The following GRID1 variants were observed in gnomAD, a reference collection of about 807,000 sequenced individuals.
The protein encoded by GRID1 is glutamate receptor ionotropic, delta-1.
GRID1 carries 28 observed loss-of-function variants against 98.0 expected under a neutral mutation model. That is an observed-to-expected ratio of 0.29 (90% confidence interval 0.21 to 0.39). GRID1 has a LOEUF of 0.39. GRID1 is among the 10% of genes least tolerant of loss of function. The pLI is 1.00. For missense variants in GRID1, 1,111 were observed against 1,340.5 expected (o/e 0.83, Z 2.67); for synonymous variants, 553 against 538.5 (o/e 1.03, Z -0.37).
intron 8 of GRID1, among the ~76,000 whole-genome samples, chr10:85,784,432 CA>C (rs1842407369): frequency 6.6e-6 from 1 of 152,180 alleles, no homozygotes; most frequent in Non-Finnish European, 1.5e-5. Flanking sequence ...TCCTAGGGGA[CA>C]GAACTAGAGT....
intron 12 of GRID1, among the ~76,000 whole-genome samples, chr10:85,666,548 G>T (rs373005210): frequency 7.9e-5 from 12 of 152,222 alleles, no homozygotes; most frequent in African/African-American, 2.9e-4. Flanking sequence ...AGGTTGGCTT[G>T]TAAGGCATGA....
At chr10:85,946,767 G>A (rs1842058398) in intron 4 of GRID1, among the ~76,000 whole-genome samples, 2 of 152,136 alleles carry the variant, frequency 1.3e-5, no homozygotes, top group Admixed American at 1.3e-4. Flanking sequence ...CAAGCCCAGT[G>A]TTCTCAAGCA....
chr10:85,708,115 A>AT (rs1564566384), intron 12 of GRID1, among the ~76,000 whole-genome samples: 1 of 77,424 alleles, frequency 1.3e-5, no homozygotes, highest in Non-Finnish European at 2.3e-5. Context: ...AAGTATAATA[A>AT]AAAAAAAAAA....
intron 2 of GRID1, among the ~76,000 whole-genome samples, chr10:86,319,419 C>G (rs957852150): frequency 2.0e-5 from 3 of 152,220 alleles, no homozygotes; most frequent in African/African-American, 7.2e-5. Flanking sequence ...TTAAGCAGCT[C>G]ATCCCAGCTC....
rs185054179 is a variant in GRID1 at position 86,171,505 on chromosome 10, C to G, written c.521-32481G>C. Among the ~76,000 whole-genome samples the G allele has an allele frequency of 1.3e-4, 20 of 152,286 alleles. No individual in the cohort carries two copies. The East Asian group carries it at 3.7e-3, about 28-fold the overall frequency. Reference sequence around the variant, plus strand: ...TACTAACTGGCTTTATCTCTATTAACCGAGGTGGGGACCCAGAGGGTGAAG... The same window carrying G: ...TACTAACTGGCTTTATCTCTATTAAGCGAGGTGGGGACCCAGAGGGTGAAG... On this transcript the variant is annotated intron_variant, in intron 3 of 15. Transcript: ENST00000327946.
chr10:85,762,299 C>T (rs1842154935), intron 8 of GRID1, among the ~76,000 whole-genome samples: 1 of 152,192 alleles, frequency 6.6e-6, no homozygotes, highest in Non-Finnish European at 1.5e-5. Flanking sequence ...AAGGACTAAT[C>T]CTCAGAGCTT....
chr10:85,849,539 G>C (rs929840982), intron 8 of GRID1, among the ~76,000 whole-genome samples: 5 of 152,214 alleles, frequency 3.3e-5, no homozygotes, highest in African/African-American at 1.2e-4. Flanking sequence ...CCAACAGGAA[G>C]GGACTGTGAT....
At chr10:86,345,613 G>C (rs903750668) in intron 2 of GRID1, among the ~76,000 whole-genome samples, 2 of 152,206 alleles carry the variant, frequency 1.3e-5, no homozygotes, top group Admixed American at 6.5e-5. Context: ...GCCTGCAGAG[G>C]CAGGGGTTGG....
chr10:85,648,930 C>A (rs1344404550), intron 12 of GRID1, among the ~76,000 whole-genome samples: 2 of 152,168 alleles, frequency 1.3e-5, no homozygotes, highest in Non-Finnish European at 2.9e-5. Flanking sequence ...GCCTGTCTGT[C>A]CCCCACAACC....
intron 4 of GRID1, among the ~76,000 whole-genome samples, chr10:85,983,713 G>C (rs999513438): frequency 1.3e-5 from 2 of 152,070 alleles, no homozygotes; most frequent in Non-Finnish European, 2.9e-5. Flanking sequence ...AGTAGGAACT[G>C]GCCAGGCCAA....
Position 86,322,291 on chromosome 10 carries a change from C to T in GRID1, c.235+41650G>A, listed in dbSNP as rs116849173. ...CTCCAACCACCACCTAAAAGGAATT[C>T]CAAAAAGAGACCTGAGAGAATATGG... On this transcript the variant is annotated intron_variant, in intron 2 of 15. Transcript: ENST00000327946. 6.6e-3 allele frequency among the ~76,000 whole-genome samples: 1,006 copies of T among 152,126 alleles called. 5 individuals carry two copies. Among genetic ancestry groups the T allele is most frequent in the Admixed American group, 0.011 (165 of 15,266 alleles).
intron 13 of GRID1, among the ~76,000 whole-genome samples, chr10:85,632,479 G>A (rs1304175171): frequency 6.6e-6 from 1 of 152,128 alleles, no homozygotes; most frequent in African/African-American, 2.4e-5. Flanking sequence ...AGTCCAAGAA[G>A]GTACATTTCT....
intron 4 of GRID1, among the ~76,000 whole-genome samples, chr10:85,930,416 T>C (rs1841835075): frequency 1.3e-5 from 2 of 150,824 alleles, no homozygotes; most frequent in African/African-American, 4.9e-5. Context: ...ATATTTATAA[T>C]ATAATGTACT....
intron 4 of GRID1, among the ~76,000 whole-genome samples, chr10:85,935,925 T>C (rs1841919933): frequency 6.6e-6 from 1 of 152,208 alleles, no homozygotes; most frequent in African/African-American, 2.4e-5. Flanking sequence ...ACTCTAGTTT[T>C]GGCATGCCTA....
rs780957968 is a variant in GRID1, at chr10:85,812,882, G to GTA, written c.1233+41612_1233+41613dup. ...TATATATATACACACACATATGTGT[G>GTA]TATATATATATTCCCCTGCTCTCTT... On this transcript the variant is annotated intron_variant, in intron 8 of 15. Coordinates refer to ENST00000327946, the MANE Select transcript of GRID1 (RefSeq NM_017551.3). Among the ~76,000 whole-genome samples the GTA allele has an allele frequency of 9.2e-5, 14 of 151,402 alleles. No homozygotes were observed. The South Asian group carries it at 2.1e-3, about 23-fold the overall frequency.
chr10:85,750,679 C>T (rs1161661504), intron 8 of GRID1, among the ~76,000 whole-genome samples: 1 of 152,156 alleles, frequency 6.6e-6, no homozygotes, highest in African/African-American at 2.4e-5. Context: ...TAACATAGCA[C>T]TATGCATCAA....
At chr10:86,221,105 G>A (rs11201946) in intron 2 of GRID1, among the ~76,000 whole-genome samples, 23,220 of 152,172 alleles carry the variant, frequency 0.15, 2,254 homozygotes, top group East Asian at 0.45. Flanking sequence ...GCCCTGGGAC[G>A]TTACCATCTC....
chr10:86,218,780 T>C (rs543109601), intron 2 of GRID1, among the ~76,000 whole-genome samples: 1 of 152,302 alleles, frequency 6.6e-6, no homozygotes, highest in South Asian at 2.1e-4. Flanking sequence ...TATATGTGAT[T>C]GCAGCTCAGT....
At chr10:86,202,608 T>C (rs1480673050) in intron 3 of GRID1, among the ~76,000 whole-genome samples, 1 of 152,254 alleles carries the variant, frequency 6.6e-6, no homozygotes, top group East Asian at 1.9e-4. Context: ...TACAAGTATT[T>C]TCAGTGGAAT....
Sources: allele counts gnomAD v4.1 joint callset (sites outside exome capture counted in the v4.1 genomes callset), GRCh38; gene constraint gnomAD v4.1.1; transcripts MANE v1.5; gene names NCBI Gene and HGNC (gene_info 2026-07-23, HGNC 2026-07-21).